Variants in CFAP91 observed in about 807,000 individuals in gnomAD.
The protein encoded by CFAP91 is cilia- and flagella-associated protein 91.
A neutral mutation model predicts 95.9 loss-of-function variants in CFAP91; 85 were observed. That is an observed-to-expected ratio of 0.89 (90% CI 0.74 to 1.06). CFAP91 has a LOEUF of 1.06. CFAP91 is among the 50% of genes least tolerant of loss of function. The pLI, the probability that CFAP91 is intolerant of heterozygous loss-of-function variation, is 0.00. For synonymous variants in CFAP91, 335 were observed against 327.5 expected (o/e 1.02, Z -0.25); for missense variants, 962 against 943.4 (o/e 1.02, Z -0.26).
intron 7 of CFAP91, among the ~76,000 whole-genome samples, chr3:119,727,603 C>T (rs1056231868): frequency 6.6e-6 from 1 of 152,132 alleles, no homozygotes; most frequent in Admixed American, 6.5e-5. Flanking sequence ...GACAGAGCTC[C>T]TTATGGTCCA....
rs1488064695 is a variant in CFAP91 at position 119,730,281 on chromosome 3, A to T, written c.922A>T (p.Asn308Tyr). The change falls in exon 8 of 18, where the codon AAT becomes TAT. Residue 308 changes from asparagine (N) to tyrosine (Y), a missense_variant. Coordinates refer to ENST00000273390, the MANE Select transcript of CFAP91 (RefSeq NM_033364.4). Reference protein sequence around the residue: ...ELLRKREENQNEVNMKHLNAR... With the variant: ...ELLRKREENQYEVNMKHLNAR... ...GTTGAGGAAGCGTGAAGAGAATCAG[A>T]ATGAAGTGAATATGAAGCACTTGAA... 6.2e-7 allele frequency: 1 copy of T among 1,614,070 alleles called. No homozygotes were observed.
chr3:119,737,431 C>T lies in CFAP91; in HGVS notation c.1410C>T (p.Asn470=). ...AACCCCCTCGCTTCCTTCAAAGAAA[C>T]CCAATACCTCAACCTCGGCTTCCAA... ...VKKPPRFLQR[N]PIPQPRLPTP... Residue 470 remains asparagine (N), a synonymous_variant, in exon 11 of 18, where the codon AAC becomes AAT. Transcript: ENST00000273390. The T allele has an allele frequency of 6.2e-7, 1 of 1,611,438 alleles. No individual in the cohort carries two copies. Among genetic ancestry groups the T allele is most frequent in the Non-Finnish European group, 8.5e-7 (1 of 1,178,990 alleles).
Position 119,709,848 on chromosome 3 carries a change from C to T in CFAP91, c.453C>T (p.Leu151=), listed in dbSNP as rs2107856069. 4 of 1,612,364 alleles carry T rather than the reference C, an allele frequency of 2.5e-6. No homozygotes were observed. Among genetic ancestry groups the T allele is most frequent in the Non-Finnish European group, 3.4e-6 (4 of 1,178,504 alleles). ...TTCTTTTTCCTCCCAGGCCTTTTCTCCCATTTTTTCAGCAGATGCCATTCA... is the reference window on the plus strand; with the variant it reads ...TTCTTTTTCCTCCCAGGCCTTTTCTTCCATTTTTTCAGCAGATGCCATTCA... ...NRYKYFERPF[L]PFFQQMPFNV... Residue 151 remains leucine, a synonymous_variant, in exon 5 of 18, where the codon CTC becomes CTT. Coordinates refer to ENST00000273390, the MANE Select transcript of CFAP91 (RefSeq NM_033364.4).
intron 17 of CFAP91, among the ~76,000 whole-genome samples, chr3:119,759,919 A>G (rs977346758): frequency 6.6e-6 from 1 of 151,946 alleles, no homozygotes; most frequent in African/African-American, 2.4e-5. Flanking sequence ...GCATGGCGCT[A>G]GAGAAAGTCA....
intron 11 of CFAP91, among the ~76,000 whole-genome samples, chr3:119,737,968 A>ATT (rs1376400179): frequency 2.6e-5 from 4 of 152,208 alleles, no homozygotes. Flanking sequence ...GTTGGTTAGG[A>ATT]TTTAGAGGGC....
rs767860591 is a variant in CFAP91, at chr3:119,707,466, A to G, written c.264A>G (p.Leu88=). 2.5e-6 allele frequency: 4 copies of G among 1,598,142 alleles called. No individual in the cohort carries two copies. The highest frequency in any genetic ancestry group is 1.7e-4 in the Middle Eastern group (1 of 5,990). The change falls in exon 3 of 18, where the codon CTA becomes CTG. Residue 88 remains leucine, a synonymous_variant. Coordinates refer to ENST00000273390, the MANE Select transcript of CFAP91 (RefSeq NM_033364.4). ...SNLIHYPRYS[L]YWSKSDPVPP... ...TGATCCATTATCCAAGATATTCTCT[A>G]TATTGGAGCAAGTCAGATCCTGTCC...
chr3:119,719,175 G>A (rs1378290091), intron 6 of CFAP91, among the ~76,000 whole-genome samples: 1 of 152,136 alleles, frequency 6.6e-6, no homozygotes, highest in Non-Finnish European at 1.5e-5. Flanking sequence ...ATATAATGCT[G>A]AACAAAATAA....
chr3:119,717,753 C>CT (rs2053605418), intron 6 of CFAP91, among the ~76,000 whole-genome samples: 1 of 152,150 alleles, frequency 6.6e-6, no homozygotes, highest in South Asian at 2.1e-4. Context: ...TACCCCAGCT[C>CT]TTCTTCTCAA....
At position 119,726,193 on chromosome 3, in the gene CFAP91, A is replaced by C; in HGVS notation, c.705A>C (p.Gln235His). The change falls in exon 7 of 18, where the codon CAA becomes CAC. Residue 235 changes from glutamine (Q) to histidine (H), a missense_variant. Coordinates refer to ENST00000273390, the MANE Select transcript of CFAP91 (RefSeq NM_033364.4). Reference sequence around the variant, plus strand: ...CAGGTCGGGGTCTCCCAGCAGGACAAGCTGAGGTGGAGATGATAGAAAGAG... The same window carrying C: ...CAGGTCGGGGTCTCCCAGCAGGACACGCTGAGGTGGAGATGATAGAAAGAG... ...LTWGRGLPAG[Q>H]AEVEMIERAR... The C allele has an allele frequency of 6.2e-7, 1 of 1,612,302 alleles. No individual in the cohort carries two copies. Among genetic ancestry groups the C allele is most frequent in the East Asian group, 2.2e-5 (1 of 44,830 alleles).
chr3:119,750,135 T>C (rs1347246926), intron 16 of CFAP91: 1 of 152,228 alleles, frequency 6.6e-6, no homozygotes, highest in Non-Finnish European at 1.5e-5. Context: ...AACTACCTGA[T>C]ACCCAAACAG....
intron 7 of CFAP91, among the ~76,000 whole-genome samples, chr3:119,727,105 G>A (rs999256277): frequency 2.0e-5 from 3 of 152,168 alleles, no homozygotes; most frequent in African/African-American, 7.2e-5. Flanking sequence ...AAGGAAGGGC[G>A]TTTGCTGAGT....
At chr3:119,739,074 T>C (rs2054067074) in intron 11 of CFAP91, among the ~76,000 whole-genome samples, 181 bp from the exon 12 acceptor site, 1 of 152,246 alleles carries the variant, frequency 6.6e-6, no homozygotes, top group Non-Finnish European at 1.5e-5. Context: ...TAATGAATTC[T>C]AATGTAAGTA....
chr3:119,724,005 C>CA (rs58003603), intron 6 of CFAP91, among the ~76,000 whole-genome samples: 4,579 of 149,594 alleles, frequency 0.031, 200 homozygotes, highest in African/African-American at 0.1. Flanking sequence ...ACTAAAAATA[C>CA]AAAAAAAAAT....
Position 119,726,179 on chromosome 3 carries a change from C to A in CFAP91, c.691C>A (p.Leu231Ile). 2 of 1,609,676 alleles carry A rather than the reference C, an allele frequency of 1.2e-6. No homozygotes were observed. Among genetic ancestry groups the A allele is most frequent in the Non-Finnish European group, 1.7e-6 (2 of 1,178,290 alleles). The change falls in exon 7 of 18, where the codon CTC (leucine) becomes ATC (isoleucine). Residue 231 changes from leucine (L) to isoleucine (I), a missense_variant. By Grantham distance (5) the Leu-to-Ile change is conservative. Transcript: ENST00000273390. ...TLATLTWGRG[L>I]PAGQAEVEMI... is the part of the protein sequence containing the mutation. Reference sequence around the variant, plus strand: ...GCTGCTTTATCCTGCAGGTCGGGGTCTCCCAGCAGGACAAGCTGAGGTGGA... The same window carrying A: ...GCTGCTTTATCCTGCAGGTCGGGGTATCCCAGCAGGACAAGCTGAGGTGGA...
intron 6 of CFAP91, among the ~76,000 whole-genome samples, chr3:119,723,868 G>T (rs1437428295): frequency 6.6e-6 from 1 of 150,394 alleles, no homozygotes; most frequent in African/African-American, 2.5e-5. Context: ...CATAATAAAA[G>T]TGCTTAAATA....
At chr3:119,732,234 C>G (rs896061738) in intron 8 of CFAP91, 60 bp from the exon 9 acceptor site, 1 of 1,344,192 alleles carries the variant, frequency 7.4e-7, no homozygotes, top group African/African-American at 1.5e-5. Flanking sequence ...GCTTACTCTT[C>G]TGCATTTGTA....
At chr3:119,755,014 T>G (rs2054399400) in intron 17 of CFAP91, among the ~76,000 whole-genome samples, 1 of 152,174 alleles carries the variant, frequency 6.6e-6, no homozygotes, top group African/African-American at 2.4e-5. Flanking sequence ...ATTTTTCCCT[T>G]TTGGAAGGAA....
At chr3:119,761,069 A>G (rs1412864596) in intron 17 of CFAP91, among the ~76,000 whole-genome samples, 2 of 149,890 alleles carry the variant, frequency 1.3e-5, no homozygotes, top group African/African-American at 4.9e-5. Context: ...ATAATAGAAA[A>G]GATCAACAAA....
chr3:119,721,741 C>T (rs543408384), intron 6 of CFAP91, among the ~76,000 whole-genome samples: 49 of 152,112 alleles, frequency 3.2e-4, no homozygotes, highest in South Asian at 1.0e-3. Flanking sequence ...GGAGGCATGG[C>T]GATTAGAAAG....
Sources: gnomAD v4.1 joint callset for allele counts (sites outside exome capture counted in the v4.1 genomes callset) on GRCh38, gnomAD v4.1.1 for gene constraint, MANE v1.5 for transcripts, NCBI Gene and HGNC (gene_info 2026-07-23, HGNC 2026-07-21) for gene names.